The following KCTD13 variants were observed in gnomAD, a reference collection of about 807,000 sequenced individuals.
KCTD13 encodes the protein potassium channel tetramerization domain containing 13.
In KCTD13, 15 loss-of-function variants were observed where a neutral mutation model predicts 32.3. The observed-to-expected ratio is 0.46, with a 90% CI of 0.31 to 0.71. The LOEUF is 0.71. Ranked by LOEUF, KCTD13 falls within the 30% of genes least tolerant of loss-of-function variation. The probability of loss-of-function intolerance (pLI) is 0.05; values close to 1 mark genes in which losing one functional copy is unlikely to be tolerated. For missense variants in KCTD13, 337 were observed against 452.6 expected (o/e 0.74, Z 2.32); for synonymous variants, 189 against 200.1 (o/e 0.94, Z 0.47).
Position 29,906,350 on chromosome 16 carries a change from AACTTT to A in KCTD13, c.*517_*521del, listed in dbSNP as rs556751586. On this transcript the variant is annotated 3_prime_UTR_variant, in exon 6 of 6. Transcript: ENST00000568000. ...GGAGCCAGCACCAGTTTCTCAACTT[AACTTT>A]ATTTCAATAATTTAATAGAAAATTA... 6.4e-3 allele frequency: 1,314 copies of A among 203,952 alleles called. 14 individuals are homozygous for A. The highest frequency in any genetic ancestry group is 0.01 in the Non-Finnish European group (1,013 of 99,346). 12.6% of individuals were successfully genotyped at this position (203,952 alleles called of 1,614,324 possible). A position where few individuals can be genotyped will look rare whatever the true frequency, so the allele number is the denominator to read the frequency against.
rs2150848740 is a variant in KCTD13, at chr16:29,926,101, C to T, written c.-68G>A. Reference sequence around the variant, plus strand: ...GCCCTGCGGCCTGCTCCCGAAGACCCTCGGCCGGCCCCCAGCCCTTGGGCC... The same window carrying T: ...GCCCTGCGGCCTGCTCCCGAAGACCTTCGGCCGGCCCCCAGCCCTTGGGCC... On this transcript the variant is annotated 5_prime_UTR_variant, in exon 1 of 6. Coordinates refer to ENST00000568000, the MANE Select transcript of KCTD13 (RefSeq NM_178863.5). The T allele has an allele frequency of 3.5e-6, 5 of 1,427,808 alleles. No homozygotes were observed. The South Asian group carries it at 7.5e-5, about 21-fold the overall frequency. 88.4% of individuals were successfully genotyped at this position (1,427,808 alleles called of 1,614,324 possible).
intron 2 of KCTD13, among the ~76,000 whole-genome samples, chr16:29,917,654 C>T (rs1419636085): frequency 1.3e-5 from 2 of 152,094 alleles, no homozygotes; most frequent in Non-Finnish European, 2.9e-5. Context: ...TGGTGCACGC[C>T]TGTAATCCCA....
Position 29,911,005 on chromosome 16 carries a change from G to C in KCTD13, c.726C>G (p.Val242=), listed in dbSNP as rs748542717. ...KIAEVCCTSI[V]YATEKKQTKV... is the part of the protein sequence containing the mutation. ...TGGTCTGCTTCTTCTCCGTAGCATA[G>C]ACAATGGAGGTGCAGCACACCTCGG... The change falls in exon 5 of 6, where the codon GTC becomes GTG. Residue 242 remains valine (V), a synonymous_variant. Coordinates refer to ENST00000568000, the MANE Select transcript of KCTD13 (RefSeq NM_178863.5). 1 of 1,614,110 alleles carries C rather than the reference G, an allele frequency of 6.2e-7. No homozygotes were observed. The highest frequency in any genetic ancestry group is 8.5e-7 in the Non-Finnish European group (1 of 1,180,000).
chr16:29,910,333 G>A (rs1439769680), intron 5 of KCTD13, among the ~76,000 whole-genome samples: 1 of 152,050 alleles, frequency 6.6e-6, no homozygotes, highest in Non-Finnish European at 1.5e-5. Context: ...GGGAGGTAGA[G>A]GTTGCGGTGA....
At position 29,906,550 on chromosome 16, in the gene KCTD13, T is replaced by C; in HGVS notation, c.*322A>G. ...GTGATGTCAGGAAGGGCCGCACACT[T>C]TGGCATGGACGATGCACTAAAAAAA... On this transcript the variant is annotated 3_prime_UTR_variant, in exon 6 of 6. Coordinates refer to ENST00000568000, the MANE Select transcript of KCTD13 (RefSeq NM_178863.5). 1 of 499,076 alleles carries C rather than the reference T, an allele frequency of 2.0e-6. No homozygotes were observed. The highest frequency in any genetic ancestry group is 5.5e-5 in the East Asian group (1 of 18,170). The allele number at this position is 499,076 out of a possible 1,614,324, so 30.9% of individuals were successfully genotyped here.
rs772320734 is a variant in KCTD13 at position 29,926,047 on chromosome 16, G to A, written c.-14C>T. ...CTCCGCCGACATGCCGGGTAGCAGC[G>A]GCGGACGGCGATCCCAGGATCTCTC... On this transcript the variant is annotated 5_prime_UTR_variant, in exon 1 of 6. Transcript: ENST00000568000. 1.1e-5 allele frequency: 16 copies of A among 1,486,952 alleles called. No homozygotes were observed. Among genetic ancestry groups the A allele is most frequent in the East Asian group, 2.4e-5 (1 of 40,864 alleles). The allele number at this position is 1,486,952 out of a possible 1,614,324, so 92.1% of individuals were successfully genotyped here.
rs200844395 is a variant in KCTD13, at chr16:29,926,037, G to A, written c.-4C>T. 246 of 1,506,468 alleles carry A rather than the reference G, an allele frequency of 1.6e-4. No individual in the cohort carries two copies. The African/African-American group carries it at 3.3e-3, about 20-fold the overall frequency. 93.3% of individuals were successfully genotyped at this position (1,506,468 alleles called of 1,614,324 possible). On this transcript the variant is annotated 5_prime_UTR_variant, in exon 1 of 6. Coordinates refer to ENST00000568000, the MANE Select transcript of KCTD13 (RefSeq NM_178863.5). ...GGCCCGAGGCCTCCGCCGACATGCCGGGTAGCAGCGGCGGACGGCGATCCC... is the reference window on the plus strand; with the variant it reads ...GGCCCGAGGCCTCCGCCGACATGCCAGGTAGCAGCGGCGGACGGCGATCCC...
intron 5 of KCTD13, among the ~76,000 whole-genome samples, chr16:29,908,954 A>G (rs1021343165): frequency 1.3e-4 from 20 of 151,806 alleles, no homozygotes; most frequent in Non-Finnish European, 2.6e-4. Flanking sequence ...CAGCCTCCTA[A>G]AGTATTGGGA....
At chr16:29,913,101 A>T (rs12444978) in intron 2 of KCTD13, 63,319 of 150,866 alleles carry the variant, frequency 0.42, 14,817 homozygotes, top group Non-Finnish European at 0.53. Flanking sequence ...GAATAATAAA[A>T]GTCTACAATT....
intron 5 of KCTD13, among the ~76,000 whole-genome samples, chr16:29,909,524 T>G (rs928886407): frequency 2.0e-5 from 3 of 152,086 alleles, no homozygotes; most frequent in African/African-American, 7.2e-5. Flanking sequence ...TCCCCTTGAT[T>G]TCCAGCCCGG....
At chr16:29,917,386 C>T (rs2068828816) in intron 2 of KCTD13, among the ~76,000 whole-genome samples, 1 of 152,154 alleles carries the variant, frequency 6.6e-6, no homozygotes, top group African/African-American at 2.4e-5. Context: ...GCGGATCACA[C>T]CTGTAATCCC....
At chr16:29,922,740 G>C (rs2068934503) in intron 2 of KCTD13, 2 of 374,462 alleles carry the variant, frequency 5.3e-6, no homozygotes, top group Non-Finnish European at 9.4e-6. Context: ...GAATTAGAAA[G>C]CTCCTGGGGG....
chr16:29,926,074 G>A lies in KCTD13; in HGVS notation c.-41C>T. 2 of 1,452,472 alleles carry A rather than the reference G, an allele frequency of 1.4e-6. No homozygotes were observed. Among genetic ancestry groups the A allele is most frequent in the South Asian group, 1.5e-5 (1 of 68,666 alleles). The allele number at this position is 1,452,472 out of a possible 1,614,324, so 90.0% of individuals were successfully genotyped here. On this transcript the variant is annotated 5_prime_UTR_variant, in exon 1 of 6. Transcript: ENST00000568000. ...CGGACGGCGATCCCAGGATCTCTCC[G>A]CGCCCTGCGGCCTGCTCCCGAAGAC...
At chr16:29,916,830 G>A (rs549258378) in intron 2 of KCTD13, among the ~76,000 whole-genome samples, 46 of 152,214 alleles carry the variant, frequency 3.0e-4, no homozygotes, top group Non-Finnish European at 5.4e-4. Context: ...TTTGGCTAGG[G>A]CTGCAGTCAT....
Position 29,923,269 on chromosome 16 carries a change from C to G in KCTD13, c.335G>C (p.Arg112Thr), listed in dbSNP as rs1455134420. 12 of 1,614,086 alleles carry G rather than the reference C, an allele frequency of 7.4e-6. No homozygotes were observed. The highest frequency in any genetic ancestry group is 1.0e-5 in the Non-Finnish European group (12 of 1,180,050). The change falls in exon 2 of 6, where the codon AGA becomes ACA. Residue 112 changes from arginine to threonine, a missense_variant. Arg to Thr is a moderately conservative substitution (Grantham distance 71). Around this residue, in one of 3 missense-constraint regions of KCTD13, gnomAD observed 252 missense variants for 340.2 expected, o/e 0.74. Transcript: ENST00000568000. The part of the protein sequence containing the change: ...DGSVPLPEST[R>T]ELGELLGEAR... ...TTCGCCCAGCAGCTCCCCCAGTTCTCTCGTACTCTCCGGCAGTGGCACAGA... is the reference window on the plus strand; with the variant it reads ...TTCGCCCAGCAGCTCCCCCAGTTCTGTCGTACTCTCCGGCAGTGGCACAGA...
At chr16:29,921,476 A>G (rs1490278020) in intron 2 of KCTD13, 2 of 152,072 alleles carry the variant, frequency 1.3e-5, no homozygotes, top group East Asian at 3.9e-4. Flanking sequence ...CCTGGGGTCA[A>G]ATCTGAGCTC....
chr16:29,917,877 G>A (rs904204896), intron 2 of KCTD13, among the ~76,000 whole-genome samples: 2 of 152,176 alleles, frequency 1.3e-5, no homozygotes, highest in African/African-American at 4.8e-5. Context: ...GAACCTGGGA[G>A]GTGGAGGTTG....
At chr16:29,924,184 G>A (rs11644809) in intron 1 of KCTD13, among the ~76,000 whole-genome samples, 68,446 of 136,374 alleles carry the variant, frequency 0.5, 16,601 homozygotes, top group Non-Finnish European at 0.55. Context: ...CAAAAAAAAA[G>A]AAAAGAAAAG....
At position 29,906,339 on chromosome 16, in the gene KCTD13, T is replaced by C. The variant is rs2068611632; in HGVS notation, c.*533A>G. On this transcript the variant is annotated 3_prime_UTR_variant, in exon 6 of 6. Coordinates refer to ENST00000568000, the MANE Select transcript of KCTD13 (RefSeq NM_178863.5). ...CCCTCTCCCCAGGAGCCAGCACCAG[T>C]TTCTCAACTTAACTTTATTTCAATA... 2 of 204,878 alleles carry C rather than the reference T, an allele frequency of 9.8e-6. No homozygotes were observed. Among genetic ancestry groups the C allele is most frequent in the South Asian group, 7.4e-5 (1 of 13,540 alleles). The allele number at this position is 204,878 out of a possible 1,614,324, so 12.7% of individuals were successfully genotyped here. A position where few individuals can be genotyped will look rare whatever the true frequency, so the allele number is the denominator to read the frequency against.
Sources: allele counts gnomAD v4.1 joint callset (sites outside exome capture counted in the v4.1 genomes callset), GRCh38; gene constraint gnomAD v4.1.1; regional missense constraint gnomAD v4.1.1; transcripts MANE v1.5; gene names NCBI Gene and HGNC (gene_info 2026-07-23, HGNC 2026-07-21).